The following CNOT11 variants were observed in gnomAD, a reference collection of about 807,000 sequenced individuals.
CNOT11 encodes the protein UPF0760 protein C2orf29.
A neutral mutation model predicts 44.6 loss-of-function variants in CNOT11; 18 were observed. The observed-to-expected ratio is 0.40, with a 90% CI of 0.28 to 0.60. The LOEUF is 0.60. Ranked by LOEUF, CNOT11 falls within the 20% of genes least tolerant of loss-of-function variation. The pLI is 0.38. For missense variants in CNOT11, 513 were observed against 677.0 expected, an observed-to-expected ratio of 0.76 and a Z score of 2.69; for synonymous variants, 291 against 270.9, an observed-to-expected ratio of 1.07 and a Z score of -0.73.
rs1387340864 is a variant in CNOT11, at chr2:101,253,443, G to C, written c.479G>C (p.Arg160Pro). Residue 160 changes from arginine (R) to proline (P), a missense_variant, in exon 1 of 7, where the codon CGC becomes CCC. Coordinates refer to ENST00000289382, the MANE Select transcript of CNOT11 (RefSeq NM_017546.5). The surrounding 1 kb of genome is among the most constrained non-coding windows in gnomAD (Gnocchi z 4.3). ...CTGCTCAACCCCGCGCCGCCCGCCC[G>C]CGGCGGCCAGGAACCCGACCGCCCT... ...AHLLNPAPPA[R>P]GGQEPDRPPL... The C allele has an allele frequency of 6.6e-7, 1 of 1,522,448 alleles. No individual in the cohort carries two copies. Among genetic ancestry groups the C allele is most frequent in the African/African-American group, 1.4e-5 (1 of 70,732 alleles). 94.3% of individuals were successfully genotyped at this position (1,522,448 alleles called of 1,614,324 possible). A position where few individuals can be genotyped will look rare whatever the true frequency, so the allele number is the denominator to read the frequency against.
intron 1 of CNOT11, among the ~76,000 whole-genome samples, chr2:101,256,385 C>T (rs958546183): frequency 6.6e-6 from 1 of 151,974 alleles, no homozygotes; most frequent in African/African-American, 2.4e-5. Flanking sequence ...GGTGGGTGAG[C>T]AGGGGTCAAA....
intron 3 of CNOT11, 83 bp downstream of exon 3, chr2:101,262,774 A>C (rs1428850441): frequency 9.0e-7 from 1 of 1,109,668 alleles, no homozygotes; most frequent in Admixed American, 2.4e-5. Context: ...TTGAGACATC[A>C]TTTTATTTTT....
chr2:101,266,705 A>G lies in CNOT11; in HGVS notation c.1064A>G (p.Lys355Arg), dbSNP rs751093352. Reference protein sequence around the residue: ...QLLGELEKDPKLVYHIGLTPA... With the variant: ...QLLGELEKDPRLVYHIGLTPA... ...CTTGGTGAGTTGGAAAAAGACCCCA[A>G]ACTTGTCTACCATATTGGCCTCACC... The change falls in exon 5 of 7, where the codon AAA becomes AGA. Residue 355 changes from lysine to arginine, a missense_variant. This residue lies in a region of CNOT11 where 140 missense variants were observed against 169.8 expected (regional missense o/e 0.82). Transcript: ENST00000289382. 6.2e-7 allele frequency: 1 copy of G among 1,614,134 alleles called. No homozygotes were observed. Among genetic ancestry groups the G allele is most frequent in the Non-Finnish European group, 8.5e-7 (1 of 1,180,008 alleles).
chr2:101,269,205 T>C lies in CNOT11; in HGVS notation c.1336-11T>C. On this transcript the variant is annotated splice_polypyrimidine_tract_variant and intron_variant, in intron 6 of 6. Transcript: ENST00000289382. This position sits in a 1 kb window ranked among gnomAD's most constrained non-coding sequence, Gnocchi z 4.8. ...ATGAGCAGACTAACATTTTTTTTTTTCCTTTTTCAGAATCGGTTGGTGCGT... is the reference window on the plus strand; with the variant it reads ...ATGAGCAGACTAACATTTTTTTTTTCCCTTTTTCAGAATCGGTTGGTGCGT... 9 of 1,604,404 alleles carry C rather than the reference T, an allele frequency of 5.6e-6. No individual in the cohort carries two copies. The South Asian group carries it at 5.6e-5, about 10-fold the overall frequency.
At chr2:101,259,268 A>G (rs1404689117) in intron 2 of CNOT11, among the ~76,000 whole-genome samples, 2 of 152,114 alleles carry the variant, frequency 1.3e-5, no homozygotes, top group African/African-American at 4.8e-5. Context: ...TGCCAGTACC[A>G]CACTGTTTTG....
At chr2:101,262,009 G>A (rs2104366212) in intron 2 of CNOT11, among the ~76,000 whole-genome samples, 1 of 152,060 alleles carries the variant, frequency 6.6e-6, no homozygotes, top group South Asian at 2.1e-4. Context: ...ACCATGCCCG[G>A]CTAATTTTTT....
In CNOT11 at chr2:101,269,332, A is replaced by G; in HGVS notation, c.1452A>G (p.Ile484Met). 6.2e-7 allele frequency: 1 copy of G among 1,614,104 alleles called. No homozygotes were observed. Among genetic ancestry groups the G allele is most frequent in the Non-Finnish European group, 8.5e-7 (1 of 1,180,006 alleles). ...VQAFCIEFSR[I>M]REAAGLFRLL... ...CATTCTGTATTGAATTCAGTAGGAT[A>G]CGAGAAGCTGCTGGTCTTTTCCGGT... The change falls in exon 7 of 7, where the codon ATA becomes ATG. Residue 484 changes from isoleucine (I) to methionine (M), a missense_variant. Physicochemically the swap from Ile to Met is conservative, Grantham distance 10. This residue lies in a region of CNOT11 where 87 missense variants were observed against 185.4 expected (regional missense o/e 0.47). Coordinates refer to ENST00000289382, the MANE Select transcript of CNOT11 (RefSeq NM_017546.5). This position sits in a 1 kb window ranked among gnomAD's most constrained non-coding sequence, Gnocchi z 4.8.
chr2:101,259,179 G>GA (rs1465964072), intron 2 of CNOT11, among the ~76,000 whole-genome samples: 1 of 152,158 alleles, frequency 6.6e-6, no homozygotes, highest in East Asian at 1.9e-4. Flanking sequence ...CATCCTTGTT[G>GA]AAAATCATTT....
chr2:101,267,354 C>T (rs1026743640), intron 5 of CNOT11, among the ~76,000 whole-genome samples: 7 of 152,164 alleles, frequency 4.6e-5, no homozygotes, highest in Non-Finnish European at 8.8e-5. Flanking sequence ...AACTTCTGAC[C>T]TCAAGTGATC....
intron 4 of CNOT11, among the ~76,000 whole-genome samples, chr2:101,266,057 GAA>G (rs1275982218): frequency 6.6e-6 from 1 of 151,956 alleles, no homozygotes; most frequent in East Asian, 1.9e-4. Context: ...GTAGACGGGG[GAA>G]AAAAAGCATA....
Position 101,269,254 on chromosome 2 carries a change from C to G in CNOT11, c.1374C>G (p.Ser458=). ...LVRLVCVFLQ[S]LIRNKIINVQ... The stretch of plus-strand genomic sequence containing the variant: ...GTCTTGTGTGTGTGTTTCTCCAATC[C>G]TTGATCCGTAACAAAATTATTAATG... Residue 458 remains serine, a synonymous_variant, in exon 7 of 7, where the codon TCC becomes TCG. Transcript: ENST00000289382. This position sits in a 1 kb window ranked among gnomAD's most constrained non-coding sequence, Gnocchi z 4.8. 4 of 1,613,568 alleles carry G rather than the reference C, an allele frequency of 2.5e-6. No homozygotes were observed. The highest frequency in any genetic ancestry group is 3.4e-6 in the Non-Finnish European group (4 of 1,179,934).
chr2:101,261,467 G>T (rs1573200219), intron 2 of CNOT11, among the ~76,000 whole-genome samples: 1 of 152,180 alleles, frequency 6.6e-6, no homozygotes, highest in Non-Finnish European at 1.5e-5. Context: ...TTCTGTTGTT[G>T]ATGGACATAA....
chr2:101,258,543 G>A (rs1681784409), intron 2 of CNOT11, among the ~76,000 whole-genome samples: 1 of 151,988 alleles, frequency 6.6e-6, no homozygotes, highest in African/African-American at 2.4e-5. Flanking sequence ...ATAAAATTTA[G>A]TGGGTTTTTT....
intron 5 of CNOT11, among the ~76,000 whole-genome samples, chr2:101,267,511 G>GTT (rs1323353426): frequency 6.6e-6 from 1 of 152,238 alleles, no homozygotes; most frequent in South Asian, 2.1e-4. Context: ...ACTAACAGCT[G>GTT]TAAGTGTGGA....
In CNOT11 at chr2:101,269,007, A is replaced by G; in HGVS notation, c.1239-33A>G. 7.1e-7 allele frequency: 1 copy of G among 1,404,800 alleles called. No individual in the cohort carries two copies. 87.0% of individuals were successfully genotyped at this position (1,404,800 alleles called of 1,614,324 possible). A position where few individuals can be genotyped will look rare whatever the true frequency, so the allele number is the denominator to read the frequency against. On this transcript the variant is annotated intron_variant, in intron 5 of 6. Transcript: ENST00000289382. This position sits in a 1 kb window ranked among gnomAD's most constrained non-coding sequence, Gnocchi z 4.8. ...AGTGTTTCTCAATGTTAGCAAATGA[A>G]ATTAATGGGCCAAATTTTCTTTTAC...
intron 1 of CNOT11, among the ~76,000 whole-genome samples, chr2:101,255,036 C>T (rs148764893): frequency 1.2e-4 from 19 of 152,126 alleles, no homozygotes; most frequent in Admixed American, 2.6e-4. Context: ...ACACCTAGTC[C>T]GTAGACCGCA....
chr2:101,263,652 A>G (rs1209409550), intron 3 of CNOT11, among the ~76,000 whole-genome samples: 1 of 152,228 alleles, frequency 6.6e-6, no homozygotes, highest in African/African-American at 2.4e-5. Flanking sequence ...CATGAGTTTG[A>G]AGTTCACACA....
At position 101,252,981 on chromosome 2, in the gene CNOT11, C is replaced by A. The variant is rs1180962053; in HGVS notation, c.17C>A (p.Ala6Glu). ...GCGAGGTTGATGCCCGGCGGAGGGG[C>A]GAGCGCGGCGTCTGGCCGGCTTCTC... The part of the protein sequence containing the change: MPGGG[A>E]SAASGRLLTA... The change falls in exon 1 of 7, where the codon GCG (alanine) becomes GAG (glutamate). Residue 6 changes from alanine to glutamate, a missense_variant. This residue lies in a region of CNOT11 where 259 missense variants were observed against 265.7 expected (regional missense o/e 0.97). Transcript: ENST00000289382. 2 of 1,487,454 alleles carry A rather than the reference C, an allele frequency of 1.3e-6. No homozygotes were observed. The highest frequency in any genetic ancestry group is 2.3e-5 in the Admixed American group (1 of 43,978). 92.1% of individuals were successfully genotyped at this position (1,487,454 alleles called of 1,614,324 possible).
intron 2 of CNOT11, among the ~76,000 whole-genome samples, chr2:101,261,309 T>C (rs989776456): frequency 3.9e-5 from 6 of 152,296 alleles, no homozygotes; most frequent in South Asian, 2.1e-4. Context: ...ACTTTATACA[T>C]GTGGAATTGT....
Sources: gnomAD v4.1 joint callset for allele counts (sites outside exome capture counted in the v4.1 genomes callset) on GRCh38, gnomAD v4.1.1 for gene constraint, gnomAD v4.1.1 regional missense constraint, Gnocchi (gnomAD v3.1) non-coding constraint, MANE v1.5 for transcripts, NCBI Gene and HGNC (gene_info 2026-07-23, HGNC 2026-07-21) for gene names.